RALGAPA1: variants seen among roughly 807,000 people sequenced by gnomAD.
RALGAPA1 encodes Ral GTPase activating protein catalytic subunit alpha 1.
In RALGAPA1, 52 loss-of-function variants were observed where a neutral mutation model predicts 269.6. The observed-to-expected ratio is 0.19, with a 90% confidence interval of 0.15 to 0.24. The LOEUF is 0.24. RALGAPA1 is among the 10% of genes least tolerant of loss of function. RALGAPA1 has a pLI of 1.00. For missense variants in RALGAPA1, 1,917 were observed against 3,013.9 expected (o/e 0.64, Z 8.52); for synonymous variants, 817 against 1,008.3 (o/e 0.81, Z 3.60).
intron 35 of RALGAPA1, among the ~76,000 whole-genome samples, chr14:35,615,816 A>T (rs2060213886): frequency 1.3e-5 from 2 of 152,204 alleles, no homozygotes; most frequent in Non-Finnish European, 2.9e-5. Flanking sequence ...TAAACTGAAT[A>T]GCCAAGATGG....
intron 17 of RALGAPA1, among the ~76,000 whole-genome samples, chr14:35,694,290 G>T (rs1450455768): frequency 6.6e-6 from 1 of 151,964 alleles, no homozygotes; most frequent in African/African-American, 2.4e-5. Flanking sequence ...TATTTTTATG[G>T]TCCCTAAATT....
chr14:35,797,224 C>T (rs940416458), intron 1 of RALGAPA1, among the ~76,000 whole-genome samples: 8 of 151,478 alleles, frequency 5.3e-5, no homozygotes, highest in African/African-American at 1.7e-4. Flanking sequence ...CGTGGTGGTG[C>T]GTGCCTGTAG....
At chr14:35,629,565 G>T (rs183130174) in intron 33 of RALGAPA1, among the ~76,000 whole-genome samples, 83 of 151,818 alleles carry the variant, frequency 5.5e-4, no homozygotes, top group Admixed American at 5.1e-3. Context: ...GTGCAGTGGC[G>T]CAATCTTGGC....
intron 16 of RALGAPA1, among the ~76,000 whole-genome samples, chr14:35,709,130 A>T (rs531492635): frequency 6.6e-6 from 1 of 152,266 alleles, no homozygotes; most frequent in Admixed American, 6.5e-5. Context: ...ACAAAAAAAA[A>T]TTAGAATGAA....
chr14:35,768,842 C>T (rs903913253), intron 4 of RALGAPA1, among the ~76,000 whole-genome samples: 1 of 150,906 alleles, frequency 6.6e-6, no homozygotes, highest in African/African-American at 2.4e-5. Flanking sequence ...AACCCCATCT[C>T]TACTAAAAAT....
intron 35 of RALGAPA1, among the ~76,000 whole-genome samples, chr14:35,612,571 C>G (rs1488221105): frequency 2.7e-5 from 4 of 147,700 alleles, no homozygotes; most frequent in African/African-American, 1.0e-4. Flanking sequence ...CAGAGTCTTG[C>G]TCTGTCGCCC....
intron 36 of RALGAPA1, among the ~76,000 whole-genome samples, chr14:35,600,218 CTTTTTCTT>C (rs1441987516): frequency 2.0e-4 from 21 of 103,852 alleles, no homozygotes; most frequent in East Asian, 8.7e-4. Flanking sequence ...CCTTTTTTTT[CTTTTTCTT>C]TTTTTCTTTT....
chr14:35,637,274 A>G (rs117810122), intron 31 of RALGAPA1, among the ~76,000 whole-genome samples: 26 of 152,366 alleles, frequency 1.7e-4, no homozygotes, highest in Admixed American at 3.9e-4. Context: ...CACCTGACAG[A>G]GAATTCAAAA....
At chr14:35,663,587 A>ATTTTT (rs371523411) in intron 27 of RALGAPA1, among the ~76,000 whole-genome samples, 2 of 132,298 alleles carry the variant, frequency 1.5e-5, no homozygotes, top group South Asian at 2.5e-4. Context: ...ACCCTTGGGA[A>ATTTTT]TTTTTTTTTT....
intron 35 of RALGAPA1, among the ~76,000 whole-genome samples, chr14:35,620,209 C>T (rs558988425): frequency 1.2e-4 from 18 of 152,236 alleles, no homozygotes; most frequent in Middle Eastern, 3.4e-3. Flanking sequence ...GTCCAACATA[C>T]GCAAATCAAT....
In RALGAPA1 at chr14:35,539,525, C is replaced by A. The variant is rs1256578953; in HGVS notation, c.*189G>T. The stretch of plus-strand genomic sequence containing the variant: ...CTAAGGTGGCTACTGCTGATCACTG[C>A]TGGGCTGCTTGTCTCCTTAGGATTT... On this transcript the variant is annotated 3_prime_UTR_variant, in exon 42 of 42. Coordinates refer to ENST00000680220, the MANE Select transcript of RALGAPA1 (RefSeq NM_001346249.2). The A allele has an allele frequency of 1.9e-6, 3 of 1,610,316 alleles. No individual in the cohort carries two copies. Among genetic ancestry groups the A allele is most frequent in the Admixed American group, 3.3e-5 (2 of 59,904 alleles).
At chr14:35,683,154 C>G (rs962980415) in intron 21 of RALGAPA1, among the ~76,000 whole-genome samples, 2 of 152,166 alleles carry the variant, frequency 1.3e-5, no homozygotes, top group Non-Finnish European at 2.9e-5. Context: ...GTGGAACCCC[C>G]AAGAACTATG....
chr14:35,539,809 A>T, intron 41 of RALGAPA1, 119 bp from the exon 42 acceptor site: 1 of 1,435,358 alleles, frequency 7.0e-7, no homozygotes, highest in Admixed American at 2.4e-5. Flanking sequence ...TTTCGAGGGA[A>T]AAAGCAAGCC....
chr14:35,808,414 T>C (rs1362673058), intron 1 of RALGAPA1, among the ~76,000 whole-genome samples: 1 of 152,204 alleles, frequency 6.6e-6, no homozygotes, highest in Non-Finnish European at 1.5e-5. Flanking sequence ...GGCAAACATA[T>C]CCTATAAACA....
chr14:35,557,140 A>G (rs61989599), intron 39 of RALGAPA1, among the ~76,000 whole-genome samples: 33 of 93,182 alleles, frequency 3.5e-4, no homozygotes, highest in East Asian at 8.5e-4. Flanking sequence ...GTGTGTGTAT[A>G]TATATTCTAT....
At position 35,659,146 on chromosome 14, in the gene RALGAPA1, AC is replaced by A; in HGVS notation, c.5378del (p.Gly1793ValfsTer6). 1 of 1,609,608 alleles carries A rather than the reference AC, an allele frequency of 6.2e-7. No individual in the cohort carries two copies. The highest frequency in any genetic ancestry group is 8.5e-7 in the Non-Finnish European group (1 of 1,177,574). On this transcript the variant is annotated frameshift_variant, in exon 28 of 42. Coordinates refer to ENST00000680220, the MANE Select transcript of RALGAPA1 (RefSeq NM_001346249.2). LOFTEE classifies it high-confidence loss of function. ...VLSSARDEPS[G>X]PARCVALCSL... ...AAGAATATCCGACCTACCGTGCAGG[AC>A]CAGAGGGCTCATCTCTTGCCGAGCT...
In RALGAPA1 at chr14:35,809,104, C is replaced by A; in HGVS notation, c.-269G>T. 1 of 346,148 alleles carries A rather than the reference C, an allele frequency of 2.9e-6. No homozygotes were observed. The highest frequency in any genetic ancestry group is 5.0e-6 in the Non-Finnish European group (1 of 200,136). 21.4% of individuals were successfully genotyped at this position (346,148 alleles called of 1,614,324 possible). On this transcript the variant is annotated 5_prime_UTR_variant, in exon 1 of 42. Coordinates refer to ENST00000680220, the MANE Select transcript of RALGAPA1 (RefSeq NM_001346249.2). The stretch of plus-strand genomic sequence containing the variant: ...GGCCCTGCACGGAGCGAGGCAGACC[C>A]GGGCTGGCCGCCTGCCGCCGCCGCT...
intron 16 of RALGAPA1, chr14:35,715,728 C>T: frequency 2.0e-6 from 2 of 985,334 alleles, no homozygotes; most frequent in Non-Finnish European, 1.2e-6. Context: ...TTGTATCCTT[C>T]TCAAGATAAC....
In RALGAPA1 at chr14:35,707,487, T is replaced by C. The variant is rs192557739; in HGVS notation, c.2267-7185A>G. On this transcript the variant is annotated intron_variant, in intron 16 of 41. Transcript: ENST00000680220. ...AAGTTGAGGAAGTTCTCCTTATTCC[T>C]ACTTTGCTGAGAGTTTTTATCCTAA... 4.6e-5 allele frequency: 7 copies of C among 152,342 alleles called. No individual in the cohort carries two copies. The East Asian group carries it at 1.3e-3, about 29-fold the overall frequency. 9.4% of individuals were successfully genotyped at this position (152,342 alleles called of 1,614,324 possible). A position where few individuals can be genotyped will look rare whatever the true frequency, so the allele number is the denominator to read the frequency against.
Sources: gnomAD v4.1 joint callset for allele counts (sites outside exome capture counted in the v4.1 genomes callset) on GRCh38, gnomAD v4.1.1 for gene constraint, MANE v1.5 for transcripts, NCBI Gene and HGNC (gene_info 2026-07-23, HGNC 2026-07-21) for gene names.